Variants in CDC42SE2 observed in about 807,000 individuals in gnomAD.
CDC42SE2 encodes the protein CDC42 small effector 2.
In CDC42SE2, 3 loss-of-function variants were observed where a neutral mutation model predicts 11.5. The ratio of observed to expected loss-of-function variants is 0.26; its 90% CI spans 0.12 to 0.67. CDC42SE2 has a LOEUF of 0.67. Among genes scored for constraint, CDC42SE2 ranks in the 30% least tolerant of loss-of-function variants. CDC42SE2 has a pLI of 0.80. For missense variants in CDC42SE2, 82 were observed against 106.8 expected (o/e 0.77, Z 1.02); for synonymous variants, 33 against 34.8 (o/e 0.95, Z 0.18).
At chr5:131,349,344 G>GT in intron 2 of CDC42SE2, among the ~76,000 whole-genome samples, 1 of 124,892 alleles carries the variant, frequency 8.0e-6, no homozygotes, top group Non-Finnish European at 1.6e-5. Flanking sequence ...CTGTTGTGGG[G>GT]TGGGGGGAGG....
At chr5:131,262,014 G>GA (rs1203956230), upstream of CDC42SE2, among the ~76,000 whole-genome samples, 2 of 151,394 alleles carry the variant, frequency 1.3e-5, no homozygotes. Flanking sequence ...TACAAAATAT[G>GA]AAAAATCTGA....
At chr5:131,258,076 C>T (rs2149685353) in intron 2 of CDC42SE2, among the ~76,000 whole-genome samples, 1 of 152,278 alleles carries the variant, frequency 6.6e-6, no homozygotes, top group African/African-American at 2.4e-5. Context: ...TCTTTCCCCA[C>T]TCTTGTATGC....
intron 1 of CDC42SE2, among the ~76,000 whole-genome samples, chr5:131,273,091 T>G (rs1305904292): frequency 1.3e-5 from 2 of 151,688 alleles, no homozygotes; most frequent in Non-Finnish European, 2.9e-5. Context: ...TTAGTTTTAG[T>G]CCCCTGTGAT....
At chr5:131,355,886 G>A (rs1749525928) in intron 2 of CDC42SE2, among the ~76,000 whole-genome samples, 1 of 152,166 alleles carries the variant, frequency 6.6e-6, no homozygotes, top group African/African-American at 2.4e-5. Context: ...GGTATCTGTA[G>A]CATTTGATTT....
At chr5:131,366,478 CAG>C (rs536652891) in intron 3 of CDC42SE2, among the ~76,000 whole-genome samples, 114 of 152,202 alleles carry the variant, frequency 7.5e-4, no homozygotes, top group South Asian at 6.4e-3. Context: ...TTGTAAATGT[CAG>C]AGAAGAAATT....
intron 2 of CDC42SE2, among the ~76,000 whole-genome samples, chr5:131,337,465 A>G (rs1372722378): frequency 1.3e-5 from 2 of 152,160 alleles, no homozygotes; most frequent in African/African-American, 2.4e-5. Context: ...TTGAAGCTGC[A>G]TGCTGGGAAA....
At chr5:131,213,462 A>G in the CDC42SE2 span, among the ~76,000 whole-genome samples, 1 of 151,974 alleles carries the variant, frequency 6.6e-6, no homozygotes, top group South Asian at 2.1e-4. Flanking sequence ...TGTTATTATT[A>G]TTTTGAGACA....
At chr5:131,361,152 G>C (rs528596275) in intron 3 of CDC42SE2, among the ~76,000 whole-genome samples, 1 of 146,244 alleles carries the variant, frequency 6.8e-6, no homozygotes, top group Admixed American at 6.9e-5. Context: ...TCATTCTGTT[G>C]CCCAGGCTGG....
the CDC42SE2 span, among the ~76,000 whole-genome samples, chr5:131,222,877 T>TTTG: frequency 9.2e-5 from 14 of 152,360 alleles, no homozygotes; most frequent in Middle Eastern, 3.4e-3. Flanking sequence ...TGCCACTTAC[T>TTTG]CCAGCCTTTG....
chr5:131,306,092 C>G (rs4706018), intron 1 of CDC42SE2, among the ~76,000 whole-genome samples: 151,656 of 152,322 alleles, frequency 1, 75,496 homozygotes, highest in Middle Eastern at 1. Flanking sequence ...GAAAATTCCA[C>G]AAAATAAACA....
upstream of CDC42SE2, among the ~76,000 whole-genome samples, chr5:131,243,666 C>T (rs1351629611): frequency 4.2e-4 from 64 of 152,334 alleles, no homozygotes; most frequent in Non-Finnish European, 2.9e-5. Flanking sequence ...ATTATGTAGC[C>T]AATCCTGGTC....
intron 2 of CDC42SE2, among the ~76,000 whole-genome samples, chr5:131,317,657 GTTTC>G (rs1353232835): frequency 2.7e-5 from 4 of 150,828 alleles, no homozygotes; most frequent in African/African-American, 4.9e-5. Flanking sequence ...AGATATAAAT[GTTTC>G]TTTCTATCTT....
At chr5:131,328,994 G>T (rs1758355281) in intron 2 of CDC42SE2, among the ~76,000 whole-genome samples, 1 of 151,902 alleles carries the variant, frequency 6.6e-6, no homozygotes, top group African/African-American at 2.4e-5. Flanking sequence ...CAGCCCTGTA[G>T]CTCCCCTGCC....
At chr5:131,313,217 C>G (rs549086311) in intron 1 of CDC42SE2, among the ~76,000 whole-genome samples, 1 of 151,988 alleles carries the variant, frequency 6.6e-6, no homozygotes, top group Non-Finnish European at 1.5e-5. Context: ...CTCCTGACCT[C>G]GTGATCTGCC....
intron 1 of CDC42SE2, among the ~76,000 whole-genome samples, chr5:131,309,407 C>G (rs1388383960): frequency 1.3e-5 from 2 of 152,176 alleles, no homozygotes; most frequent in Non-Finnish European, 2.9e-5. Flanking sequence ...CTAAAATTCT[C>G]TTTTTTGGTT....
At chr5:131,297,794 G>A (rs1449030712) in intron 1 of CDC42SE2, among the ~76,000 whole-genome samples, 1 of 151,752 alleles carries the variant, frequency 6.6e-6, no homozygotes, top group Non-Finnish European at 1.5e-5. Context: ...TCCTAAAAAA[G>A]CCTTTTTGAT....
chr5:131,380,705 C>T (rs1480848699), intron 3 of CDC42SE2, among the ~76,000 whole-genome samples: 1 of 152,132 alleles, frequency 6.6e-6, no homozygotes, highest in Admixed American at 6.5e-5. Flanking sequence ...TTTACTGGAT[C>T]TTTCCCATTA....
At chr5:131,235,606 T>G in the CDC42SE2 span, among the ~76,000 whole-genome samples, 1 of 149,672 alleles carries the variant, frequency 6.7e-6, no homozygotes, top group Admixed American at 6.7e-5. Context: ...TTTGTTTTTG[T>G]TTTTTTTAGA....
chr5:131,295,346 C>T (rs1030450992), intron 1 of CDC42SE2, among the ~76,000 whole-genome samples: 3 of 151,656 alleles, frequency 2.0e-5, no homozygotes, highest in African/African-American at 7.3e-5. Flanking sequence ...ACAGCATCAT[C>T]GTGATAAAGA....
Sources: allele counts gnomAD v4.1 joint callset (sites outside exome capture counted in the v4.1 genomes callset), GRCh38; gene constraint gnomAD v4.1.1; transcripts MANE v1.5; gene names NCBI Gene and HGNC (gene_info 2026-07-23, HGNC 2026-07-21).